CADM2: variants seen among roughly 807,000 people sequenced by gnomAD.
The protein encoded by CADM2 is cell adhesion molecule 2, also known as immunoglobulin superfamily member 4D.
A neutral mutation model predicts 49.8 loss-of-function variants in CADM2; 12 were observed. The ratio of observed to expected loss-of-function variants is 0.24; its 90% confidence interval spans 0.15 to 0.39. CADM2 has a LOEUF of 0.39. Ranked by LOEUF, CADM2 falls within the 10% of genes least tolerant of loss-of-function variation. The pLI is 1.00. For missense variants in CADM2, 378 were observed against 492.3 expected (o/e 0.77, Z 2.20); for synonymous variants, 214 against 175.4 (o/e 1.22, Z -1.74).
intron 2 of CADM2, among the ~76,000 whole-genome samples, chr3:85,778,863 C>A (rs539768765): frequency 2.2e-4 from 33 of 152,246 alleles, no homozygotes; most frequent in South Asian, 8.3e-4. Flanking sequence ...ACCAAAAAAT[C>A]TTTGCATAAA....
intron 8 of CADM2, among the ~76,000 whole-genome samples, chr3:86,007,892 G>A (rs1559797081): frequency 6.6e-6 from 1 of 152,138 alleles, no homozygotes; most frequent in Non-Finnish European, 1.5e-5. Flanking sequence ...AATTTCAGAT[G>A]AGCAATGTCT....
intron 1 of CADM2, among the ~76,000 whole-genome samples, chr3:85,012,530 T>C (rs929272600): frequency 1.3e-5 from 2 of 149,766 alleles, no homozygotes; most frequent in Non-Finnish European, 3.0e-5. Flanking sequence ...ATGCAAGAGA[T>C]TCATGTTTAA....
At chr3:85,215,297 A>T (rs1284125584) in intron 1 of CADM2, among the ~76,000 whole-genome samples, 2 of 142,018 alleles carry the variant, frequency 1.4e-5, no homozygotes, top group East Asian at 4.3e-4. Flanking sequence ...GACTCTACCT[A>T]GTGGCATTCT....
chr3:85,421,055 A>C (rs1412192575), intron 1 of CADM2, among the ~76,000 whole-genome samples: 1 of 152,192 alleles, frequency 6.6e-6, no homozygotes, highest in African/African-American at 2.4e-5. Flanking sequence ...GTCTATTAAT[A>C]TTTTAAACTT....
chr3:86,064,673 C>G (rs1193545105), intron 8 of CADM2, among the ~76,000 whole-genome samples: 2 of 152,138 alleles, frequency 1.3e-5, no homozygotes, highest in Non-Finnish European at 2.9e-5. Context: ...CACTGGCCAT[C>G]AGAGAAATGC....
At chr3:85,194,386 A>C (rs2041288604) in intron 1 of CADM2, among the ~76,000 whole-genome samples, 1 of 152,082 alleles carries the variant, frequency 6.6e-6, no homozygotes, top group South Asian at 2.1e-4. Flanking sequence ...ACATGATCAT[A>C]ATTCATTTAG....
intron 1 of CADM2, among the ~76,000 whole-genome samples, chr3:85,311,207 C>G (rs956489298): frequency 1.3e-5 from 2 of 151,868 alleles, no homozygotes; most frequent in Admixed American, 6.6e-5. Flanking sequence ...GACTCTTAGC[C>G]ATCAGTAAAT....
At chr3:85,324,442 A>G (rs1401782731) in intron 1 of CADM2, among the ~76,000 whole-genome samples, 5 of 152,178 alleles carry the variant, frequency 3.3e-5, no homozygotes, top group Admixed American at 1.3e-4. Flanking sequence ...AATTTTAACA[A>G]GGACTCTGCA....
intron 1 of CADM2, among the ~76,000 whole-genome samples, chr3:85,314,346 T>G (rs988091528): frequency 6.6e-6 from 1 of 152,140 alleles, no homozygotes; most frequent in African/African-American, 2.4e-5. Flanking sequence ...ACCACACTGT[T>G]GCAATTTTCT....
Position 85,570,861 on chromosome 3 carries a change from G to A in CADM2, c.62-155661G>A, listed in dbSNP as rs2107241668. Among the ~76,000 whole-genome samples the A allele has an allele frequency of 1.3e-5, 2 of 152,302 alleles. 1 individual carries two copies. Among genetic ancestry groups the A allele is most frequent in the South Asian group, 4.1e-4 (2 of 4,824 alleles). ...CAGTGAAAATATACAAAGATTGTGT[G>A]TGAGTCTAATCAGGTGTGGAGTGCT... On this transcript the variant is annotated intron_variant, in intron 1 of 9. Transcript: ENST00000383699.
intron 1 of CADM2, among the ~76,000 whole-genome samples, chr3:85,513,514 T>C (rs2060823046): frequency 6.6e-6 from 1 of 151,992 alleles, no homozygotes; most frequent in African/African-American, 2.4e-5. Flanking sequence ...ATGAAAAATA[T>C]ATGAATACGT....
At chr3:85,980,328 T>A (rs2108666759) in intron 8 of CADM2, among the ~76,000 whole-genome samples, 1 of 151,648 alleles carries the variant, frequency 6.6e-6, no homozygotes, top group African/African-American at 2.4e-5. Flanking sequence ...TTCTTGGAAT[T>A]TTAATTAATT....
intron 1 of CADM2, among the ~76,000 whole-genome samples, chr3:85,513,868 C>A (rs2060833091): frequency 2.0e-5 from 3 of 152,148 alleles, no homozygotes; most frequent in African/African-American, 7.2e-5. Flanking sequence ...GATGCTCTTT[C>A]TTGATATTCA....
chr3:85,484,258 G>A (rs879331565), intron 1 of CADM2, among the ~76,000 whole-genome samples: 1 of 151,870 alleles, frequency 6.6e-6, no homozygotes, highest in African/African-American at 2.4e-5. Context: ...AATGATGTCA[G>A]CATTGAAACT....
At chr3:85,815,553 T>C (rs1250309613) in intron 3 of CADM2, among the ~76,000 whole-genome samples, 1 of 152,150 alleles carries the variant, frequency 6.6e-6, no homozygotes, top group East Asian at 1.9e-4. Flanking sequence ...CAGCTCTTCA[T>C]GCTAAAAAAT....
At chr3:85,278,940 A>T (rs1327127541) in intron 1 of CADM2, among the ~76,000 whole-genome samples, 1 of 151,458 alleles carries the variant, frequency 6.6e-6, no homozygotes, top group Non-Finnish European at 1.5e-5. Flanking sequence ...TGTGATTTTG[A>T]CTTTTCCACA....
chr3:85,740,289 C>G (rs529515145), intron 2 of CADM2, among the ~76,000 whole-genome samples: 2 of 152,128 alleles, frequency 1.3e-5, no homozygotes, highest in African/African-American at 4.8e-5. Context: ...TGATTGTATG[C>G]CCTATCTGTA....
At chr3:85,291,297 C>A (rs1386922520) in intron 1 of CADM2, among the ~76,000 whole-genome samples, 3 of 151,462 alleles carry the variant, frequency 2.0e-5, no homozygotes, top group African/African-American at 7.3e-5. Context: ...GAGAAAAGAC[C>A]AAATCTACAT....
intron 1 of CADM2, among the ~76,000 whole-genome samples, chr3:85,020,448 A>C (rs964644305): frequency 3.3e-5 from 5 of 152,172 alleles, no homozygotes; most frequent in African/African-American, 1.2e-4. Flanking sequence ...ATATCAATCA[A>C]ATTTGAAATA....
Sources: gnomAD v4.1 joint callset for allele counts (sites outside exome capture counted in the v4.1 genomes callset) on GRCh38, gnomAD v4.1.1 for gene constraint, MANE v1.5 for transcripts, NCBI Gene and HGNC (gene_info 2026-07-23, HGNC 2026-07-21) for gene names.